RNF213: variants seen among roughly 807,000 people sequenced by gnomAD.
The protein encoded by RNF213 is E3 ubiquitin-protein ligase RNF213.
Under a neutral mutation model 514.4 loss-of-function variants are expected in RNF213, and 341 were observed. The observed-to-expected ratio is 0.66, with a 90% CI of 0.61 to 0.73. RNF213 has a LOEUF of 0.73. Ranked by LOEUF, RNF213 falls within the 30% of genes least tolerant of loss-of-function variation. RNF213 has a pLI of 0.00. For missense variants in RNF213, 5,767 were observed against 6,615.6 expected, an observed-to-expected ratio of 0.87 and a Z score of 4.45; for synonymous variants, 2,655 against 2,658.2, an observed-to-expected ratio of 1.00 and a Z score of 0.04.
chr17:80,348,327 C>T (rs774495559), intron 29 of RNF213, 41 bp downstream of exon 29: 2 of 1,602,876 alleles, frequency 1.2e-6, no homozygotes, highest in South Asian at 2.2e-5. Flanking sequence ...CCCTGTCACC[C>T]AAGAGTCCTA....
At position 80,328,418 on chromosome 17, in the gene RNF213, A is replaced by G; in HGVS notation, c.3458A>G (p.Glu1153Gly). Residue 1153 changes from glutamate (E) to glycine (G), a missense_variant, in exon 20 of 68, where the codon GAG becomes GGG. Physicochemically the swap from Glu to Gly is moderately conservative, Grantham distance 98. Coordinates refer to ENST00000582970, the MANE Select transcript of RNF213 (RefSeq NM_001256071.3). ...RREELLLLKK[E>G]KRCVDSLLKM... ...GAGGAACTGTTACTTCTAAAGAAAGAGAAAAGATGTGTTGATAGTCTCCTG... is the reference window on the plus strand; with the variant it reads ...GAGGAACTGTTACTTCTAAAGAAAGGGAAAAGATGTGTTGATAGTCTCCTG... The G allele has an allele frequency of 6.5e-7, 1 of 1,537,252 alleles. No homozygotes were observed. The highest frequency in any genetic ancestry group is 8.7e-7 in the Non-Finnish European group (1 of 1,146,894).
At chr17:80,295,208 C>T (rs1408797986) in intron 9 of RNF213, among the ~76,000 whole-genome samples, 1 of 152,212 alleles carries the variant, frequency 6.6e-6, no homozygotes, top group Non-Finnish European at 1.5e-5. Flanking sequence ...CTCAGCCCCA[C>T]CCCAGCACCA....
chr17:80,286,532 C>T (rs9972886), intron 3 of RNF213, among the ~76,000 whole-genome samples: 2,367 of 152,108 alleles, frequency 0.016, 59 homozygotes, highest in African/African-American at 0.054. Context: ...ACACAGGGGC[C>T]GACCGTCAGC....
At chr17:80,289,603 A>G (rs2044611896) in intron 5 of RNF213, 56 bp from the exon 6 acceptor site, 3 of 1,580,194 alleles carry the variant, frequency 1.9e-6, no homozygotes, top group Non-Finnish European at 2.6e-6. Context: ...AAAAAAAAAA[A>G]AAAAAGAAAA....
rs777913588 is a variant in RNF213 at position 80,394,620 on chromosome 17, A to G, written c.*1122A>G. 2.6e-5 allele frequency: 4 copies of G among 152,212 alleles called. No individual in the cohort carries two copies. The highest frequency in any genetic ancestry group is 1.9e-4 in the East Asian group (1 of 5,190). The allele number at this position is 152,212 out of a possible 1,614,324, so 9.4% of individuals were successfully genotyped here. A position where few individuals can be genotyped will look rare whatever the true frequency, so the allele number is the denominator to read the frequency against. On this transcript the variant is annotated 3_prime_UTR_variant, in exon 68 of 68. Coordinates refer to ENST00000582970, the MANE Select transcript of RNF213 (RefSeq NM_001256071.3). ...ATATGTTAGAGGCAGTATCCTTAATATTCATTCTAAATGAGTTAACGACTT... is the reference window on the plus strand; with the variant it reads ...ATATGTTAGAGGCAGTATCCTTAATGTTCATTCTAAATGAGTTAACGACTT...
rs538253742 is a variant in RNF213 at position 80,263,250 on chromosome 17, C to T, written c.-108-324C>T. Among the ~76,000 whole-genome samples the T allele has an allele frequency of 1.3e-5, 2 of 152,292 alleles. No homozygotes were observed. The highest frequency in any genetic ancestry group is 4.1e-4 in the South Asian group (2 of 4,828). On this transcript the variant is annotated intron_variant, in intron 1 of 67. Transcript: ENST00000582970. The surrounding 1 kb of genome is among the most constrained non-coding windows in gnomAD (Gnocchi z 4.9). ...GGCCCCATCACCTGTGGGGCAGGTGCTTTAGTCCCCTTAAGAGGATGAGGA... is the reference window on the plus strand; with the variant it reads ...GGCCCCATCACCTGTGGGGCAGGTGTTTTAGTCCCCTTAAGAGGATGAGGA...
Position 80,322,679 on chromosome 17 carries a change from T to A in RNF213, c.3025-2351T>A, listed in dbSNP as rs1448463412. ...AACCTCCCTCCTTGGCCTTCCAAAG[T>A]GTTGGGATTGAAGGCATGAGCCACC... is the stretch of plus-strand genomic sequence containing the variant. On this transcript the variant is annotated intron_variant, in intron 17 of 67. Coordinates refer to ENST00000582970, the MANE Select transcript of RNF213 (RefSeq NM_001256071.3). 2.0e-5 allele frequency among the ~76,000 whole-genome samples: 3 copies of A among 152,008 alleles called. No homozygotes were observed. In the East Asian group the frequency reaches 5.8e-4, roughly 29 times the overall value.
Position 80,377,184 on chromosome 17 carries a change from A to G in RNF213, c.13510+221A>G, listed in dbSNP as rs1033646545. The G allele has an allele frequency of 1.1e-5, 6 of 569,222 alleles. No homozygotes were observed. In the Admixed American group the frequency reaches 1.7e-4, roughly 16 times the overall value. The allele number at this position is 569,222 out of a possible 1,614,324, so 35.3% of individuals were successfully genotyped here. A position where few individuals can be genotyped will look rare whatever the true frequency, so the allele number is the denominator to read the frequency against. The stretch of plus-strand genomic sequence containing the variant: ...ACCATTTCATTTCTTTGTCGTGTGG[A>G]AAAGGCCCTCTGTGATGCACTTCTG... On this transcript the variant is annotated intron_variant, in intron 53 of 67. Transcript: ENST00000582970. The surrounding 1 kb of genome is among the most constrained non-coding windows in gnomAD (Gnocchi z 4.1).
At chr17:80,334,370 C>G in intron 22 of RNF213, 100 bp downstream of exon 22, 1 of 1,304,710 alleles carries the variant, frequency 7.7e-7, no homozygotes, top group South Asian at 1.5e-5. Flanking sequence ...TCCCCTTGGC[C>G]AAGGACTACG....
In RNF213 at chr17:80,309,025, G is replaced by A. The variant is rs377041958; in HGVS notation, c.2509G>A (p.Glu837Lys). 14 of 1,613,998 alleles carry A rather than the reference G, an allele frequency of 8.7e-6. No homozygotes were observed. Among genetic ancestry groups the A allele is most frequent in the Non-Finnish European group, 1.1e-5 (13 of 1,179,990 alleles). Residue 837 changes from glutamate to lysine, a missense_variant, in exon 14 of 68, where the codon GAG becomes AAG. Coordinates refer to ENST00000582970, the MANE Select transcript of RNF213 (RefSeq NM_001256071.3). ...TAACTCTTTGCGGGGCAGGATTCCC[G>A]AGGAGGCCTTGTCACCATCCTACCT... ...LLDTYRDKIPEEALSPSYLTV... is the reference protein window; with the variant it reads ...LLDTYRDKIPKEALSPSYLTV...
intron 3 of RNF213, among the ~76,000 whole-genome samples, chr17:80,283,380 A>G (rs1019254301): frequency 2.0e-5 from 3 of 152,142 alleles, no homozygotes; most frequent in Admixed American, 6.5e-5. Context: ...TATTGAAAAG[A>G]GGTTCTGGGA....
chr17:80,365,551 A>G (rs2079231686), intron 42 of RNF213, among the ~76,000 whole-genome samples: 1 of 151,270 alleles, frequency 6.6e-6, no homozygotes, highest in African/African-American at 2.4e-5. Flanking sequence ...TAAGAGCCCA[A>G]TCCCGGACAC....
chr17:80,352,917 G>C (rs1390730725), intron 32 of RNF213, 23 bp from the exon 33 acceptor site: 1 of 1,613,816 alleles, frequency 6.2e-7, no homozygotes, highest in African/African-American at 1.3e-5. Flanking sequence ...AAAGACAGTT[G>C]TGGGTGGCTT....
Position 80,383,080 on chromosome 17 carries a change from A to G in RNF213, c.14070+10A>G, listed in dbSNP as rs1207773881. The G allele has an allele frequency of 1.0e-5, 16 of 1,595,562 alleles. No individual in the cohort carries two copies. The highest frequency in any genetic ancestry group is 1.4e-5 in the Non-Finnish European group (16 of 1,163,244). On this transcript the variant is annotated intron_variant, in intron 58 of 67. Coordinates refer to ENST00000582970, the MANE Select transcript of RNF213 (RefSeq NM_001256071.3). ...TTCTCCTGAACTGGAGGTAAGCAGT[A>G]AGTGCTGACAGCTGGGTTGCTCCTC...
chr17:80,272,510 G>A (rs929030480), intron 2 of RNF213, among the ~76,000 whole-genome samples: 5 of 152,094 alleles, frequency 3.3e-5, no homozygotes, highest in African/African-American at 9.7e-5. Flanking sequence ...ATCCATTCCC[G>A]AGGGGAGTAA....
Position 80,319,644 on chromosome 17 carries a change from T to C in RNF213, c.3024+332T>C. On this transcript the variant is annotated intron_variant, in intron 17 of 67. Coordinates refer to ENST00000582970, the MANE Select transcript of RNF213 (RefSeq NM_001256071.3). Reference sequence around the variant, plus strand: ...TCACTGTGGCTGCTGGTTTGATTGATTGTTAACACTTGCTCAGTAGGTGTG... The same window carrying C: ...TCACTGTGGCTGCTGGTTTGATTGACTGTTAACACTTGCTCAGTAGGTGTG... 2.1e-5 allele frequency: 31 copies of C among 1,503,236 alleles called. No homozygotes were observed. In the South Asian group the frequency reaches 3.7e-4, roughly 18 times the overall value. The allele number at this position is 1,503,236 out of a possible 1,614,324, so 93.1% of individuals were successfully genotyped here.
At chr17:80,271,269 T>C (rs1158243914) in intron 2 of RNF213, among the ~76,000 whole-genome samples, 2 of 152,200 alleles carry the variant, frequency 1.3e-5, no homozygotes, top group Non-Finnish European at 2.9e-5. Flanking sequence ...CTTATGTATG[T>C]AGACGTTTAG....
chr17:80,342,858 T>C (rs182465112), intron 26 of RNF213, among the ~76,000 whole-genome samples: 218 of 151,088 alleles, frequency 1.4e-3, no homozygotes, highest in African/African-American at 5.0e-3. Flanking sequence ...CAGGCTGGAG[T>C]GTAGTGGTGC....
rs1272071777 is a variant in RNF213 at position 80,376,866 on chromosome 17, T to C, written c.13429-16T>C. The C allele has an allele frequency of 6.2e-7, 1 of 1,611,210 alleles. No individual in the cohort carries two copies. Reference sequence around the variant, plus strand: ...GCTCACTTATCTAGAGCTGTCTCTGTCTTCTTGTTTTTCAGCATGCTTTTC... The same window carrying C: ...GCTCACTTATCTAGAGCTGTCTCTGCCTTCTTGTTTTTCAGCATGCTTTTC... On this transcript the variant is annotated splice_polypyrimidine_tract_variant and intron_variant, in intron 52 of 67. Transcript: ENST00000582970.
Sources: allele counts gnomAD v4.1 joint callset (sites outside exome capture counted in the v4.1 genomes callset), GRCh38; gene constraint gnomAD v4.1.1; non-coding constraint Gnocchi (gnomAD v3.1); transcripts MANE v1.5; gene names NCBI Gene and HGNC (gene_info 2026-07-23, HGNC 2026-07-21).